The following ZNF277 variants were observed in gnomAD, a reference collection of about 807,000 sequenced individuals.
ZNF277 encodes nuclear receptor-interacting factor 4.
In ZNF277, 55 loss-of-function variants were observed where a neutral mutation model predicts 60.7. The observed-to-expected ratio is 0.91, with a 90% CI of 0.73 to 1.13. The LOEUF is 1.13. Among genes scored for constraint, ZNF277 ranks in the 50% most tolerant of loss-of-function variants. ZNF277 has a pLI of 0.00. For missense variants in ZNF277, 510 were observed against 523.0 expected, an observed-to-expected ratio of 0.98 and a Z score of 0.24; for synonymous variants, 178 against 179.3, an observed-to-expected ratio of 0.99 and a Z score of 0.06.
chr7:112,298,496 G>A (rs554319957), intron 4 of ZNF277, among the ~76,000 whole-genome samples: 1 of 152,218 alleles, frequency 6.6e-6, no homozygotes, highest in African/African-American at 2.4e-5. Flanking sequence ...ATTTGAAGAG[G>A]TAAAATGGAG....
chr7:112,334,629 C>T (rs889338538), intron 7 of ZNF277, among the ~76,000 whole-genome samples: 6 of 152,066 alleles, frequency 3.9e-5, no homozygotes, highest in African/African-American at 1.4e-4. Flanking sequence ...GAGGAAGTTG[C>T]AAAATAATGC....
intron 1 of ZNF277, among the ~76,000 whole-genome samples, chr7:112,209,909 AC>A (rs1324779136): frequency 6.6e-6 from 1 of 152,150 alleles, no homozygotes; most frequent in Non-Finnish European, 1.5e-5. Context: ...AGAAAACCAA[AC>A]ACCACATGTT....
At chr7:112,237,393 GAAAC>G (rs373123416) in intron 1 of ZNF277, among the ~76,000 whole-genome samples, 1,784 of 151,458 alleles carry the variant, frequency 0.012, 36 homozygotes, top group African/African-American at 0.041. Flanking sequence ...AAAATAAATT[GAAAC>G]AAACAAAAAA....
intron 2 of ZNF277, 45 bp from the exon 3 acceptor site, chr7:112,295,824 G>A (rs779707164): frequency 7.0e-7 from 1 of 1,420,990 alleles, no homozygotes; most frequent in Non-Finnish European, 9.9e-7. Flanking sequence ...AAAGCAAATA[G>A]TATATTGAAT....
chr7:112,281,579 G>T (rs1290516954), intron 1 of ZNF277, among the ~76,000 whole-genome samples: 1 of 152,008 alleles, frequency 6.6e-6, no homozygotes, highest in Non-Finnish European at 1.5e-5. Context: ...TTACTAGTGG[G>T]CCTGTTACGC....
intron 4 of ZNF277, among the ~76,000 whole-genome samples, chr7:112,302,684 G>T (rs180938361): frequency 6.6e-6 from 1 of 152,100 alleles, no homozygotes; most frequent in Non-Finnish European, 1.5e-5. Flanking sequence ...ACCACTTTGA[G>T]CATCTTCAAC....
intron 1 of ZNF277, among the ~76,000 whole-genome samples, chr7:112,256,508 T>A (rs969419626): frequency 3.3e-5 from 5 of 151,160 alleles, no homozygotes; most frequent in Admixed American, 2.6e-4. Flanking sequence ...TGGCTCACTT[T>A]TGCTCTCTAA....
At chr7:112,294,011 A>G (rs887199946) in intron 2 of ZNF277, among the ~76,000 whole-genome samples, 1 of 152,254 alleles carries the variant, frequency 6.6e-6, no homozygotes, top group African/African-American at 2.4e-5. Context: ...CTATATTTCA[A>G]TTTAGAGGAA....
intron 1 of ZNF277, among the ~76,000 whole-genome samples, chr7:112,272,085 C>T (rs1412232968): frequency 6.6e-6 from 1 of 152,128 alleles, no homozygotes; most frequent in Admixed American, 6.5e-5. Context: ...CTTCCCCCTA[C>T]CCCCTACTAG....
chr7:112,240,656 C>CTTCTGTT (rs1790925811), intron 1 of ZNF277, among the ~76,000 whole-genome samples: 1 of 151,904 alleles, frequency 6.6e-6, no homozygotes, highest in Admixed American at 6.6e-5. Flanking sequence ...GAATAGAGAA[C>CTTCTGTT]CCATAAATAG....
chr7:112,336,066 C>T, intron 7 of ZNF277, 38 bp from the exon 8 acceptor site: 3 of 1,554,044 alleles, frequency 1.9e-6, no homozygotes, highest in South Asian at 2.3e-5. Context: ...CCTTCTCTTT[C>T]CCCCAATGTC....
At chr7:112,268,502 G>A (rs1418543266) in intron 1 of ZNF277, among the ~76,000 whole-genome samples, 1 of 151,888 alleles carries the variant, frequency 6.6e-6, no homozygotes, top group Non-Finnish European at 1.5e-5. Context: ...TTGCATATGA[G>A]ATCATTTGGT....
At chr7:112,270,116 A>T (rs1438152870) in intron 1 of ZNF277, among the ~76,000 whole-genome samples, 3 of 152,034 alleles carry the variant, frequency 2.0e-5, no homozygotes, top group Admixed American at 1.3e-4. Context: ...TAATCCCCAT[A>T]AAAAAAGCGT....
intron 8 of ZNF277, 68 bp from the exon 9 acceptor site, chr7:112,337,662 A>C: frequency 7.3e-7 from 1 of 1,361,348 alleles, no homozygotes; most frequent in Non-Finnish European, 1.0e-6. Context: ...AGCAATACCA[A>C]GTCACTGTGT....
intron 1 of ZNF277, among the ~76,000 whole-genome samples, chr7:112,261,332 TACA>T (rs1283162436): frequency 1.3e-5 from 2 of 152,188 alleles, no homozygotes; most frequent in African/African-American, 4.8e-5. Flanking sequence ...TTACCTAACA[TACA>T]ACAATTTGGT....
At chr7:112,263,966 A>G (rs1563208478) in intron 1 of ZNF277, among the ~76,000 whole-genome samples, 1 of 152,158 alleles carries the variant, frequency 6.6e-6, no homozygotes, top group Non-Finnish European at 1.5e-5. Context: ...CTCTGTCAGA[A>G]TCTTCACCTC....
chr7:112,252,268 A>T (rs1791215274), intron 1 of ZNF277, among the ~76,000 whole-genome samples: 1 of 152,194 alleles, frequency 6.6e-6, no homozygotes. Context: ...AGGGTAGCTT[A>T]TTGCAATTAA....
chr7:112,318,276 T>C lies in ZNF277; in HGVS notation c.557+3T>C, dbSNP rs1271400180. 4.3e-6 allele frequency: 7 copies of C among 1,610,266 alleles called. No homozygotes were observed. The highest frequency in any genetic ancestry group is 5.9e-6 in the Non-Finnish European group (7 of 1,176,636). ...AATGAAGAATTCCTTGGAAACAGGTTTGCCATTTTGCATCTTTAAATGTTA... is the reference window on the plus strand; with the variant it reads ...AATGAAGAATTCCTTGGAAACAGGTCTGCCATTTTGCATCTTTAAATGTTA... On this transcript the variant is annotated splice_donor_region_variant and intron_variant, in intron 5 of 11. Coordinates refer to ENST00000361822, the MANE Select transcript of ZNF277 (RefSeq NM_021994.3).
intron 1 of ZNF277, among the ~76,000 whole-genome samples, chr7:112,282,579 C>G (rs752631130): frequency 4.5e-4 from 68 of 152,346 alleles, no homozygotes; most frequent in Non-Finnish European, 8.7e-4. Context: ...TACATTTAAC[C>G]TCTATCCCTC....
Sources: allele counts gnomAD v4.1 joint callset (sites outside exome capture counted in the v4.1 genomes callset), GRCh38; gene constraint gnomAD v4.1.1; transcripts MANE v1.5; gene names NCBI Gene and HGNC (gene_info 2026-07-23, HGNC 2026-07-21).